The following SCIN variants were observed in gnomAD, a reference collection of about 807,000 sequenced individuals.
The protein encoded by SCIN is adseverin.
Under a neutral mutation model 91.8 loss-of-function variants are expected in SCIN, and 91 were observed. The ratio of observed to expected loss-of-function variants is 0.99; its 90% CI spans 0.84 to 1.18. The LOEUF is 1.18. SCIN is among the 50% of genes most tolerant of loss of function. SCIN has a pLI of 0.00. For missense variants in SCIN, 1,087 were observed against 863.9 expected (o/e 1.26, Z -3.24); for synonymous variants, 367 against 312.6 (o/e 1.17, Z -1.84).
chr7:12,627,299 C>T (rs1783547186), intron 8 of SCIN, among the ~76,000 whole-genome samples: 1 of 152,162 alleles, frequency 6.6e-6, no homozygotes, highest in African/African-American at 2.4e-5. Context: ...TGAGGACTGA[C>T]TTCCCCTCTG....
chr7:12,630,931 G>C (rs908767352), intron 9 of SCIN, among the ~76,000 whole-genome samples: 3 of 152,128 alleles, frequency 2.0e-5, no homozygotes, highest in Non-Finnish European at 2.9e-5. Context: ...GGCATTTATA[G>C]GGATAAATTA....
At chr7:12,574,700 G>A (rs986522983) in intron 1 of SCIN, among the ~76,000 whole-genome samples, 12 of 152,076 alleles carry the variant, frequency 7.9e-5, no homozygotes, top group Admixed American at 1.3e-4. Context: ...ATTGATCTGT[G>A]TCTATCCTTC....
intron 14 of SCIN, 102 bp downstream of exon 14, chr7:12,649,646 G>A: frequency 1.6e-6 from 1 of 616,444 alleles, no homozygotes; most frequent in Non-Finnish European, 2.7e-6. Flanking sequence ...TGAGCCTAGA[G>A]ATTTAGGCTG....
chr7:12,626,892 T>G (rs1461374695), intron 8 of SCIN, 93 bp downstream of exon 8: 2 of 1,133,042 alleles, frequency 1.8e-6, no homozygotes, highest in African/African-American at 3.1e-5. Context: ...GAGTTCGAGA[T>G]CAGCCTGGCC....
At chr7:12,602,237 A>C (rs1475444388) in intron 3 of SCIN, among the ~76,000 whole-genome samples, 2 of 152,212 alleles carry the variant, frequency 1.3e-5, no homozygotes, top group Non-Finnish European at 2.9e-5. Context: ...AGTTTTATTA[A>C]GGATTTCAAA....
intron 4 of SCIN, among the ~76,000 whole-genome samples, chr7:12,605,980 C>T (rs1783074108): frequency 1.3e-5 from 2 of 152,118 alleles, no homozygotes; most frequent in African/African-American, 4.8e-5. Context: ...AAGAATATTG[C>T]AGTGACTACC....
chr7:12,581,347 G>A (rs572473996), intron 3 of SCIN, 126 bp downstream of exon 3: 1 of 874,196 alleles, frequency 1.1e-6, no homozygotes, highest in Non-Finnish European at 1.7e-6. Context: ...GTTTATGTGA[G>A]CTGAGTAATT....
Position 12,655,724 on chromosome 7 carries a change from T to C in SCIN, c.*3009T>C, listed in dbSNP as rs1010981434. The C allele has an allele frequency of 5.3e-5, 8 of 152,236 alleles. No individual in the cohort carries two copies. The highest frequency in any genetic ancestry group is 1.9e-4 in the East Asian group (1 of 5,204). The allele number at this position is 152,236 out of a possible 1,614,324, so 9.4% of individuals were successfully genotyped here. A position where few individuals can be genotyped will look rare whatever the true frequency, so the allele number is the denominator to read the frequency against. On this transcript the variant is annotated 3_prime_UTR_variant, in exon 16 of 16. Coordinates refer to ENST00000297029, the MANE Select transcript of SCIN (RefSeq NM_001112706.3). ...TTGTAAACATACACAAAAAATATTA[T>C]ATATTTGCCAAACGTATGTACTAAT...
chr7:12,628,032 C>CGCGCGCGT (rs1271039607), intron 8 of SCIN, among the ~76,000 whole-genome samples: 1 of 146,398 alleles, frequency 6.8e-6, no homozygotes, highest in East Asian at 2.0e-4. Context: ...AGTGTGCGCG[C>CGCGCGCGT]GTGTGTGTGT....
chr7:12,626,712 A>G lies in SCIN; in HGVS notation c.1110A>G (p.Gln370=). The G allele has an allele frequency of 6.2e-7, 1 of 1,602,774 alleles. No individual in the cohort carries two copies. Among genetic ancestry groups the G allele is most frequent in the Non-Finnish European group, 8.5e-7 (1 of 1,174,432 alleles). Reference sequence around the variant, plus strand: ...CAGAGAAAGTGGCTCAAATAAAACAAATTCCCTTTGATGCCTCAAAATTAC... The same window carrying G: ...CAGAGAAAGTGGCTCAAATAAAACAGATTCCCTTTGATGCCTCAAAATTAC... ...YVTEKVAQIK[Q]IPFDASKLHS... Residue 370 remains glutamine, a synonymous_variant, in exon 8 of 16, where the codon CAA becomes CAG. Coordinates refer to ENST00000297029, the MANE Select transcript of SCIN (RefSeq NM_001112706.3).
chr7:12,592,547 G>C (rs1055869797), intron 3 of SCIN, among the ~76,000 whole-genome samples: 1 of 152,042 alleles, frequency 6.6e-6, no homozygotes, highest in Non-Finnish European at 1.5e-5. Context: ...GGCAGGAAGT[G>C]GGTACTGGGG....
rs145775490 is a variant in SCIN, at chr7:12,623,638, C to T, written c.759+745C>T. 4.6e-5 allele frequency among the ~76,000 whole-genome samples: 7 copies of T among 152,170 alleles called. No homozygotes were observed. The East Asian group carries it at 7.7e-4, about 17-fold the overall frequency. On this transcript the variant is annotated intron_variant, in intron 5 of 15. Coordinates refer to ENST00000297029, the MANE Select transcript of SCIN (RefSeq NM_001112706.3). ...TTCCCTCCCCTTGCAACTTTCTAAGCGTGTGATTTGGAGCAGATCGTAAAT... is the reference window on the plus strand; with the variant it reads ...TTCCCTCCCCTTGCAACTTTCTAAGTGTGTGATTTGGAGCAGATCGTAAAT...
At chr7:12,576,218 G>T (rs1040398943) in intron 1 of SCIN, among the ~76,000 whole-genome samples, 7 of 152,006 alleles carry the variant, frequency 4.6e-5, no homozygotes, top group African/African-American at 1.7e-4. Flanking sequence ...CTCAGTTAGG[G>T]TTCGGATCCC....
chr7:12,644,041 C>CG, intron 11 of SCIN, 97 bp from the exon 12 acceptor site: 1 of 1,082,552 alleles, frequency 9.2e-7, no homozygotes, highest in Non-Finnish European at 1.3e-6. Context: ...GGGCAGAAGG[C>CG]GATGTATGGT....
intron 1 of SCIN, chr7:12,577,513 A>G (rs1188310299): frequency 2.2e-6 from 1 of 456,108 alleles, no homozygotes; most frequent in East Asian, 6.9e-5. Context: ...AACTTCACAC[A>G]ACAGTGTTTC....
Position 12,571,262 on chromosome 7 carries a change from G to A in SCIN, c.199+277G>A, listed in dbSNP as rs1262158924. ...TCCTGGACTTTGGAGCTGGTGACTG[G>A]CTTCTTCCCCTTTCACCGTCAAGTA... is the stretch of plus-strand genomic sequence containing the variant. On this transcript the variant is annotated intron_variant, in intron 1 of 15. Coordinates refer to ENST00000297029, the MANE Select transcript of SCIN (RefSeq NM_001112706.3). 1.1e-4 allele frequency: 52 copies of A among 483,368 alleles called. No individual in the cohort carries two copies. The South Asian group carries it at 1.4e-3, about 13-fold the overall frequency. The allele number at this position is 483,368 out of a possible 1,614,324, so 29.9% of individuals were successfully genotyped here. A position where few individuals can be genotyped will look rare whatever the true frequency, so the allele number is the denominator to read the frequency against.
At chr7:12,623,401 C>A (rs1033603546) in intron 5 of SCIN, among the ~76,000 whole-genome samples, 1 of 152,190 alleles carries the variant, frequency 6.6e-6, no homozygotes. Flanking sequence ...ACTTCCATAT[C>A]AGCTCTATAG....
chr7:12,626,854 G>T (rs538621340), intron 8 of SCIN, 55 bp downstream of exon 8: 5 of 1,431,948 alleles, frequency 3.5e-6, no homozygotes, highest in Admixed American at 4.0e-5. Context: ...TATGTAGGGG[G>T]AGGGTGGGGG....
chr7:12,602,453 G>T (rs1782978361), intron 3 of SCIN, among the ~76,000 whole-genome samples: 1 of 152,112 alleles, frequency 6.6e-6, no homozygotes, highest in African/African-American at 2.4e-5. Flanking sequence ...CAGAGAACTG[G>T]TCTGACCAAA....
Sources: allele counts gnomAD v4.1 joint callset (sites outside exome capture counted in the v4.1 genomes callset), GRCh38; gene constraint gnomAD v4.1.1; transcripts MANE v1.5; gene names NCBI Gene and HGNC (gene_info 2026-07-23, HGNC 2026-07-21).